The following KCNIP4 variants were observed in gnomAD, a reference collection of about 807,000 sequenced individuals.
The protein encoded by KCNIP4 is Kv channel-interacting protein 4.
KCNIP4 carries 12 observed loss-of-function variants against 34.0 expected under a neutral mutation model. The observed-to-expected ratio is 0.35, with a 90% CI of 0.23 to 0.57. The LOEUF (loss-of-function observed/expected upper bound fraction) is 0.57. KCNIP4 is among the 20% of genes least tolerant of loss of function. The pLI is 0.83. For synonymous variants in KCNIP4, 124 were observed against 102.2 expected, an observed-to-expected ratio of 1.21 and a Z score of -1.29; for missense variants, 238 against 311.7, an observed-to-expected ratio of 0.76 and a Z score of 1.78.
At chr4:21,842,168 T>C (rs938785319) in intron 1 of KCNIP4, among the ~76,000 whole-genome samples, 5 of 152,136 alleles carry the variant, frequency 3.3e-5, no homozygotes, top group African/African-American at 4.8e-5. Flanking sequence ...GTCTTTAAAA[T>C]TTTCAAAGTA....
chr4:20,873,989 C>A (rs1320162711), intron 2 of KCNIP4, among the ~76,000 whole-genome samples: 3 of 152,254 alleles, frequency 2.0e-5, no homozygotes, highest in East Asian at 1.9e-4. Flanking sequence ...GTGAAATGCA[C>A]CTAGGTGAGA....
intron 3 of KCNIP4, among the ~76,000 whole-genome samples, chr4:20,811,951 C>G (rs1715820381): frequency 1.3e-5 from 2 of 152,040 alleles, no homozygotes; most frequent in Non-Finnish European, 2.9e-5. Flanking sequence ...AGAGCAGATT[C>G]CCAGAAAAGA....
chr4:21,217,523 T>C (rs1403345167), intron 1 of KCNIP4, among the ~76,000 whole-genome samples: 3 of 152,178 alleles, frequency 2.0e-5, no homozygotes, highest in Non-Finnish European at 4.4e-5. Flanking sequence ...ACCCAACTTA[T>C]AAAGTGCGCA....
intron 1 of KCNIP4, among the ~76,000 whole-genome samples, chr4:21,022,387 G>C (rs1416221120): frequency 2.0e-5 from 3 of 152,116 alleles, no homozygotes; most frequent in Non-Finnish European, 4.4e-5. Flanking sequence ...TAACCTTTAA[G>C]CACAATCCAA....
intron 1 of KCNIP4, among the ~76,000 whole-genome samples, chr4:21,686,863 T>G (rs1045369677): frequency 1.3e-5 from 2 of 151,468 alleles, no homozygotes; most frequent in African/African-American, 4.9e-5. Flanking sequence ...TAAAGACACA[T>G]GCACACGTAT....
At chr4:21,488,587 C>T (rs1487007681) in intron 1 of KCNIP4, among the ~76,000 whole-genome samples, 1 of 151,920 alleles carries the variant, frequency 6.6e-6, no homozygotes, top group Admixed American at 6.6e-5. Flanking sequence ...TGATAAAGAA[C>T]ATGGAAGAAG....
chr4:21,398,999 A>T (rs1021298690), intron 1 of KCNIP4, among the ~76,000 whole-genome samples: 6 of 152,230 alleles, frequency 3.9e-5, no homozygotes, highest in Non-Finnish European at 8.8e-5. Flanking sequence ...AAATCTGTTT[A>T]AAAAATAATT....
intron 1 of KCNIP4, among the ~76,000 whole-genome samples, chr4:21,893,298 T>C (rs1727208947): frequency 6.6e-6 from 1 of 152,166 alleles, no homozygotes; most frequent in South Asian, 2.1e-4. Flanking sequence ...TGATCCAATG[T>C]ATGCTTTGGT....
At chr4:21,829,793 A>T (rs2109303516) in intron 1 of KCNIP4, among the ~76,000 whole-genome samples, 1 of 152,202 alleles carries the variant, frequency 6.6e-6, no homozygotes, top group African/African-American at 2.4e-5. Flanking sequence ...ACCAGAAAAC[A>T]ATTGTTTTAA....
chr4:21,945,504 C>G (rs1375075949), intron 1 of KCNIP4, among the ~76,000 whole-genome samples: 2 of 152,162 alleles, frequency 1.3e-5, no homozygotes, highest in Non-Finnish European at 2.9e-5. Context: ...TTTTAAAACA[C>G]ATGAAACTTA....
intron 1 of KCNIP4, among the ~76,000 whole-genome samples, chr4:20,934,326 C>T (rs923584559): frequency 6.6e-6 from 1 of 152,160 alleles, no homozygotes; most frequent in African/African-American, 2.4e-5. Context: ...GCCACCTCAC[C>T]TATGAATTTC....
intron 1 of KCNIP4, among the ~76,000 whole-genome samples, chr4:21,467,839 A>T (rs1730125835): frequency 6.6e-6 from 1 of 152,144 alleles, no homozygotes; most frequent in Non-Finnish European, 1.5e-5. Context: ...ATCAGGTTAA[A>T]TTTTTAAAGC....
intron 1 of KCNIP4, among the ~76,000 whole-genome samples, chr4:21,253,396 T>A (rs1241240534): frequency 6.6e-6 from 1 of 152,210 alleles, no homozygotes; most frequent in Non-Finnish European, 1.5e-5. Flanking sequence ...AGTAGGTTAT[T>A]GATGACATCA....
chr4:21,815,801 C>T (rs993639218), intron 1 of KCNIP4, among the ~76,000 whole-genome samples: 1 of 152,124 alleles, frequency 6.6e-6, no homozygotes, highest in Non-Finnish European at 1.5e-5. Context: ...TCTCTCCAAG[C>T]CAGCATATTA....
chr4:21,601,778 A>G (rs1171097942), intron 1 of KCNIP4, among the ~76,000 whole-genome samples: 1 of 152,086 alleles, frequency 6.6e-6, no homozygotes, highest in African/African-American at 2.4e-5. Context: ...TTTCTGCTTT[A>G]GGAACTTTGC....
chr4:21,300,786 G>T (rs573712976), intron 1 of KCNIP4, among the ~76,000 whole-genome samples: 1 of 151,992 alleles, frequency 6.6e-6, no homozygotes, highest in Non-Finnish European at 1.5e-5. Flanking sequence ...AAAATAGGCC[G>T]CTGATATCTA....
chr4:21,701,483 C>A (rs1312212871), intron 1 of KCNIP4, among the ~76,000 whole-genome samples: 3 of 152,034 alleles, frequency 2.0e-5, no homozygotes, highest in African/African-American at 4.8e-5. Context: ...TCTGCAATAA[C>A]CATATATATC....
chr4:20,859,802 AAT>A (rs766723017), intron 2 of KCNIP4, among the ~76,000 whole-genome samples: 38 of 152,194 alleles, frequency 2.5e-4, no homozygotes, highest in Non-Finnish European at 4.4e-5. Context: ...CTTACGAACA[AAT>A]ATGAGCGTGA....
intron 1 of KCNIP4, among the ~76,000 whole-genome samples, chr4:21,470,448 C>A (rs1472971618): frequency 1.3e-5 from 2 of 152,072 alleles, no homozygotes; most frequent in Non-Finnish European, 2.9e-5. Flanking sequence ...TTGTAACATG[C>A]TACTCTCTGT....
Sources: gnomAD v4.1 joint callset for allele counts (sites outside exome capture counted in the v4.1 genomes callset) on GRCh38, gnomAD v4.1.1 for gene constraint, MANE v1.5 for transcripts, NCBI Gene and HGNC (gene_info 2026-07-23, HGNC 2026-07-21) for gene names.